Variants in NMRK1 observed in about 807,000 individuals in gnomAD.
NMRK1 encodes the protein nicotinamide riboside kinase 1, also known as NRK 1.
NMRK1 carries 28 observed loss-of-function variants against 29.9 expected under a neutral mutation model. The observed-to-expected ratio is 0.94, with a 90% CI of 0.69 to 1.28. The LOEUF is 1.28. Among genes scored for constraint, NMRK1 ranks in the 50% most tolerant of loss-of-function variants. The probability of loss-of-function intolerance (pLI) is 0.00; values close to 1 mark genes in which losing one functional copy is unlikely to be tolerated. For synonymous variants in NMRK1, 58 were observed against 73.0 expected, an observed-to-expected ratio of 0.79 and a Z score of 1.05; for missense variants, 218 against 233.1, an observed-to-expected ratio of 0.94 and a Z score of 0.42.
intron 8 of NMRK1, 75 bp from the exon 9 acceptor site, chr9:75,061,642 G>T: frequency 8.1e-7 from 1 of 1,229,866 alleles, no homozygotes; most frequent in Non-Finnish European, 1.2e-6. Context: ...ATCAACAACA[G>T]TAAATCTAAG....
intron 2 of NMRK1, among the ~76,000 whole-genome samples, chr9:75,080,827 C>A (rs1333404479): frequency 6.6e-6 from 1 of 152,196 alleles, no homozygotes; most frequent in African/African-American, 2.4e-5. Context: ...CTCACTCTCT[C>A]TTGCTCCTTC....
In NMRK1 at chr9:75,088,003, C is replaced by G. The variant is rs1211118628; in HGVS notation, c.-36+5G>C. On this transcript the variant is annotated splice_donor_5th_base_variant and intron_variant, in intron 1 of 8. Transcript: ENST00000361092. ...CGCGGCAGGGGCGAGCAGGTACGCA[C>G]TCACCTGGCGCCAGTTCGAGTCCTC... is the stretch of plus-strand genomic sequence containing the variant. 1 of 153,322 alleles carries G rather than the reference C, an allele frequency of 6.5e-6. No individual in the cohort carries two copies. Among genetic ancestry groups the G allele is most frequent in the Non-Finnish European group, 1.4e-5 (1 of 68,998 alleles). The allele number at this position is 153,322 out of a possible 1,614,324, so 9.5% of individuals were successfully genotyped here.
chr9:75,066,902 T>C (rs2273762), intron 7 of NMRK1, 62 bp from the exon 8 acceptor site: 152,956 of 898,264 alleles, frequency 0.17, 14,187 homozygotes, highest in Non-Finnish European at 0.2. Flanking sequence ...CAATGTTTAC[T>C]TTGACACCCA....
At chr9:75,086,924 T>TTTA (rs1254122783) in intron 1 of NMRK1, among the ~76,000 whole-genome samples, 1 of 151,280 alleles carries the variant, frequency 6.6e-6, no homozygotes, top group Non-Finnish European at 1.5e-5. Flanking sequence ...TTTTTTTTTT[T>TTTA]AAGACAGAGT....
intron 2 of NMRK1, among the ~76,000 whole-genome samples, chr9:75,080,690 G>A (rs1357432317): frequency 1.3e-5 from 2 of 152,168 alleles, no homozygotes; most frequent in African/African-American, 2.4e-5. Context: ...GGGCCTGCTG[G>A]CAGGTGTTTG....
intron 1 of NMRK1, among the ~76,000 whole-genome samples, chr9:75,087,312 T>C (rs1024061299): frequency 3.9e-5 from 6 of 152,220 alleles, no homozygotes; most frequent in African/African-American, 7.2e-5. Context: ...TTGACTGTTA[T>C]TTTGAACTTA....
At chr9:75,063,140 T>TA (rs929702668) in intron 8 of NMRK1, among the ~76,000 whole-genome samples, 11 of 151,394 alleles carry the variant, frequency 7.3e-5, no homozygotes, top group African/African-American at 2.7e-4. Flanking sequence ...CCGTCTCTAC[T>TA]AAAAAAATAT....
intron 8 of NMRK1, among the ~76,000 whole-genome samples, chr9:75,063,958 TTAAG>T (rs71909934): frequency 0.14 from 20,667 of 151,872 alleles, 1,693 homozygotes; most frequent in Non-Finnish European, 0.19. Flanking sequence ...TATCCCTCTT[TTAAG>T]TTTTTTTTTT....
intron 8 of NMRK1, among the ~76,000 whole-genome samples, chr9:75,064,986 T>C (rs2118000548): frequency 6.6e-6 from 1 of 152,314 alleles, no homozygotes. Flanking sequence ...CTGCCCTGCT[T>C]TCTCTTTGGG....
chr9:75,062,927 G>A (rs888362563), intron 8 of NMRK1, among the ~76,000 whole-genome samples: 1 of 152,166 alleles, frequency 6.6e-6, no homozygotes, highest in East Asian at 1.9e-4. Context: ...AGCTACTTGG[G>A]AGGCTGAGGT....
intron 2 of NMRK1, among the ~76,000 whole-genome samples, chr9:75,081,593 T>C (rs1824324765): frequency 1.3e-5 from 2 of 152,188 alleles, no homozygotes; most frequent in African/African-American, 4.8e-5. Context: ...AAATCTTATT[T>C]ACAGAGATGC....
At chr9:75,075,235 A>G (rs542805479) in intron 4 of NMRK1, among the ~76,000 whole-genome samples, 48 of 152,340 alleles carry the variant, frequency 3.2e-4, no homozygotes, top group African/African-American at 1.1e-3. Context: ...GTTTGTAAGA[A>G]TTCATTAAAA....
At position 75,077,470 on chromosome 9, in the gene NMRK1, T is replaced by C; in HGVS notation, c.120+20A>G. On this transcript the variant is annotated intron_variant, in intron 3 of 8. Transcript: ENST00000361092. Reference sequence around the variant, plus strand: ...AACATTTTTGTATTAAATAAATAATTTAAGAAGTTTTATAGATACCTTGAA... The same window carrying C: ...AACATTTTTGTATTAAATAAATAATCTAAGAAGTTTTATAGATACCTTGAA... The C allele has an allele frequency of 6.8e-7, 1 of 1,479,878 alleles. No homozygotes were observed. Among genetic ancestry groups the C allele is most frequent in the Non-Finnish European group, 9.4e-7 (1 of 1,065,812 alleles). The allele number at this position is 1,479,878 out of a possible 1,614,324, so 91.7% of individuals were successfully genotyped here.
At chr9:75,070,569 T>C (rs756271368) in intron 4 of NMRK1, among the ~76,000 whole-genome samples, 38 of 152,192 alleles carry the variant, frequency 2.5e-4, no homozygotes, top group Non-Finnish European at 5.1e-4. Context: ...AAAATGTACA[T>C]ACTTCTCGAG....
At chr9:75,072,522 T>C (rs1400617584) in intron 4 of NMRK1, among the ~76,000 whole-genome samples, 1 of 152,204 alleles carries the variant, frequency 6.6e-6, no homozygotes, top group Admixed American at 6.5e-5. Flanking sequence ...TGGGATTTGC[T>C]TCAAAACAAT....
intron 4 of NMRK1, among the ~76,000 whole-genome samples, chr9:75,073,641 A>C (rs1003230055): frequency 6.6e-6 from 1 of 152,078 alleles, no homozygotes; most frequent in African/African-American, 2.4e-5. Context: ...CAGGAGGCTG[A>C]GGCATGAGAA....
At position 75,079,380 on chromosome 9, in the gene NMRK1, T is replaced by G. The variant is rs572429440; in HGVS notation, c.30-1800A>C. 2.0e-5 allele frequency among the ~76,000 whole-genome samples: 3 copies of G among 152,358 alleles called. No homozygotes were observed. In the South Asian group the frequency reaches 6.2e-4, roughly 32 times the overall value. ...CCATAGTTTAGGTATTAAGTTTTGG[T>G]TTAAATGAGATAGTGAACAGGGGTG... is the stretch of plus-strand genomic sequence containing the variant. On this transcript the variant is annotated intron_variant, in intron 2 of 8. Transcript: ENST00000361092.
At chr9:75,081,339 T>C (rs1824310161) in intron 2 of NMRK1, among the ~76,000 whole-genome samples, 1 of 152,142 alleles carries the variant, frequency 6.6e-6, no homozygotes, top group Non-Finnish European at 1.5e-5. Flanking sequence ...ATCCTTGTAA[T>C]CCCAGCACTT....
At chr9:75,084,272 G>T (rs78403255) in intron 1 of NMRK1, among the ~76,000 whole-genome samples, 2 of 152,268 alleles carry the variant, frequency 1.3e-5, no homozygotes, top group Middle Eastern at 3.4e-3. Flanking sequence ...AGGGGCAAGC[G>T]GCTGCCTGCC....
Sources: gnomAD v4.1 joint callset for allele counts (sites outside exome capture counted in the v4.1 genomes callset) on GRCh38, gnomAD v4.1.1 for gene constraint, MANE v1.5 for transcripts, NCBI Gene and HGNC (gene_info 2026-07-23, HGNC 2026-07-21) for gene names.